HDAC9: variants seen among roughly 807,000 people sequenced by gnomAD.
HDAC9 encodes MEF-2 interacting transcription repressor (MITR) protein.
In HDAC9, 41 loss-of-function variants were observed where a neutral mutation model predicts 139.4. The ratio of observed to expected loss-of-function variants is 0.29; its 90% CI spans 0.23 to 0.38. HDAC9 has a LOEUF of 0.38. HDAC9 is among the 10% of genes least tolerant of loss of function. The probability of loss-of-function intolerance (pLI) is 1.00; values close to 1 mark genes in which losing one functional copy is unlikely to be tolerated. For synonymous variants in HDAC9, 517 were observed against 476.2 expected, an observed-to-expected ratio of 1.09 and a Z score of -1.12; for missense variants, 1,147 against 1,297.0, an observed-to-expected ratio of 0.88 and a Z score of 1.78.
chr7:18,295,437 C>T (rs2128226892), intron 1 of HDAC9, among the ~76,000 whole-genome samples: 1 of 152,150 alleles, frequency 6.6e-6, no homozygotes, highest in South Asian at 2.1e-4. Flanking sequence ...TTTAAAATTG[C>T]ATTGCATTTT....
intron 1 of HDAC9, among the ~76,000 whole-genome samples, chr7:18,358,399 G>A (rs573094106): frequency 2.0e-5 from 3 of 152,328 alleles, no homozygotes; most frequent in East Asian, 1.9e-4. Flanking sequence ...AGCTTATTAG[G>A]TGTGGCTATG....
intron 12 of HDAC9, among the ~76,000 whole-genome samples, chr7:18,669,411 C>T (rs1287665506): frequency 1.3e-5 from 2 of 151,580 alleles, no homozygotes; most frequent in African/African-American, 4.8e-5. Context: ...TATTATAATA[C>T]CAGTGTGAGG....
intron 1 of HDAC9, among the ~76,000 whole-genome samples, chr7:18,437,295 T>C (rs1054699502): frequency 1.3e-5 from 2 of 152,138 alleles, no homozygotes; most frequent in African/African-American, 4.8e-5. Context: ...ATGGCTTTTT[T>C]GTTACTGTAG....
intron 2 of HDAC9, among the ~76,000 whole-genome samples, chr7:18,263,430 G>C (rs531273701): frequency 5.9e-4 from 90 of 152,224 alleles, no homozygotes; most frequent in African/African-American, 2.1e-3. Context: ...AGGTACTGAG[G>C]TGTAAAAGGA....
At chr7:18,491,754 C>T (rs1796384388), upstream of HDAC9, among the ~76,000 whole-genome samples, 1 of 151,856 alleles carries the variant, frequency 6.6e-6, no homozygotes, top group African/African-American at 2.4e-5. Flanking sequence ...AGAAGCCTGC[C>T]CTAGTTCTCA....
chr7:18,398,941 G>GTAT (rs1787296474), intron 1 of HDAC9, among the ~76,000 whole-genome samples: 1 of 152,002 alleles, frequency 6.6e-6, no homozygotes, highest in Non-Finnish European at 1.5e-5. Flanking sequence ...GGAGAAAGGT[G>GTAT]TATAATAATA....
intron 1 of HDAC9, among the ~76,000 whole-genome samples, chr7:18,435,939 G>GA (rs1046232801): frequency 4.1e-4 from 60 of 145,316 alleles, no homozygotes; most frequent in African/African-American, 1.4e-3. Flanking sequence ...GAAAGAACTG[G>GA]AAAATTTATA....
At chr7:18,436,796 A>G (rs1791243530) in intron 1 of HDAC9, among the ~76,000 whole-genome samples, 1 of 152,194 alleles carries the variant, frequency 6.6e-6, no homozygotes, top group Non-Finnish European at 1.5e-5. Context: ...AGCATTGTTT[A>G]TTTATTGAGG....
At chr7:18,661,358 A>G (rs1319662498) in intron 11 of HDAC9, among the ~76,000 whole-genome samples, 2 of 152,166 alleles carry the variant, frequency 1.3e-5, no homozygotes, top group African/African-American at 4.8e-5. Context: ...TATGATGCCT[A>G]TTAGATATTC....
chr7:18,306,050 A>G (rs1350801523), intron 1 of HDAC9, among the ~76,000 whole-genome samples: 2 of 152,212 alleles, frequency 1.3e-5, no homozygotes, highest in Non-Finnish European at 2.9e-5. Flanking sequence ...AGATCCCAGG[A>G]AACTCCAATA....
At chr7:18,392,282 C>G (rs906370737) in intron 1 of HDAC9, among the ~76,000 whole-genome samples, 1 of 141,244 alleles carries the variant, frequency 7.1e-6, no homozygotes, top group African/African-American at 2.8e-5. Context: ...CACTCTCTCT[C>G]TCTCTCTGTC....
At chr7:18,120,335 T>C (rs1189859506) in intron 1 of HDAC9, among the ~76,000 whole-genome samples, 3 of 152,178 alleles carry the variant, frequency 2.0e-5, no homozygotes, top group Non-Finnish European at 4.4e-5. Flanking sequence ...GCTTGTTTAA[T>C]AAATATGCAT....
chr7:18,965,103 C>T (rs566023179), intron 24 of HDAC9, among the ~76,000 whole-genome samples: 23 of 152,264 alleles, frequency 1.5e-4, no homozygotes, highest in Middle Eastern at 3.4e-3. Context: ...CTCACAGCTC[C>T]GTATCCAAGA....
chr7:18,569,909 C>A (rs1429654093), intron 2 of HDAC9, among the ~76,000 whole-genome samples: 1 of 152,106 alleles, frequency 6.6e-6, no homozygotes, highest in Non-Finnish European at 1.5e-5. Flanking sequence ...CTTTTCAAAT[C>A]TTTTCTCATG....
At chr7:18,721,273 C>T (rs1293577859) in intron 12 of HDAC9, among the ~76,000 whole-genome samples, 2 of 151,420 alleles carry the variant, frequency 1.3e-5, no homozygotes, top group Non-Finnish European at 2.9e-5. Context: ...TCCTATTGCC[C>T]CTCTCATTCC....
At chr7:18,100,739 G>C (rs946156013) in intron 1 of HDAC9, among the ~76,000 whole-genome samples, 2 of 152,044 alleles carry the variant, frequency 1.3e-5, no homozygotes, top group African/African-American at 4.8e-5. Context: ...TTGTTTGATA[G>C]ACTTTTTATC....
intron 22 of HDAC9, among the ~76,000 whole-genome samples, chr7:18,927,083 A>C (rs1053688951): frequency 1.3e-5 from 2 of 152,212 alleles, no homozygotes; most frequent in Non-Finnish European, 2.9e-5. Flanking sequence ...ATAAATTTAC[A>C]TTTTAAACAT....
chr7:18,263,975 G>T (rs140256689), intron 2 of HDAC9, among the ~76,000 whole-genome samples: 1 of 152,230 alleles, frequency 6.6e-6, no homozygotes, highest in African/African-American at 2.4e-5. Flanking sequence ...AAAAGGACAT[G>T]TTGCAATGAT....
At chr7:18,870,644 G>A (rs889981157) in intron 21 of HDAC9, among the ~76,000 whole-genome samples, 2 of 152,028 alleles carry the variant, frequency 1.3e-5, no homozygotes, top group African/African-American at 4.8e-5. Flanking sequence ...GCAAACTTTT[G>A]TCCACTAATC....
Sources: allele counts gnomAD v4.1 joint callset (sites outside exome capture counted in the v4.1 genomes callset), GRCh38; gene constraint gnomAD v4.1.1; transcripts MANE v1.5; gene names NCBI Gene and HGNC (gene_info 2026-07-23, HGNC 2026-07-21).